HLTF: variants seen among roughly 807,000 people sequenced by gnomAD.
HLTF encodes the protein helicase like transcription factor.
A neutral mutation model predicts 129.4 loss-of-function variants in HLTF; 127 were observed. The ratio of observed to expected loss-of-function variants is 0.98; its 90% CI spans 0.85 to 1.14. The LOEUF (loss-of-function observed/expected upper bound fraction) is 1.14. Ranked by LOEUF, HLTF falls within the 50% of genes most tolerant of loss-of-function variation. The pLI, the probability that HLTF is intolerant of heterozygous loss-of-function variation, is 0.00. For synonymous variants in HLTF, 332 were observed against 388.8 expected (o/e 0.85, Z 1.72); for missense variants, 1,139 against 1,187.1 (o/e 0.96, Z 0.60).
intron 23 of HLTF, among the ~76,000 whole-genome samples, chr3:149,036,373 C>G (rs1305224456): frequency 7.0e-6 from 1 of 141,974 alleles, no homozygotes; most frequent in Admixed American, 7.3e-5. Context: ...AGTGCAACCT[C>G]CACCTCCTGG....
Position 149,046,132 on chromosome 3 carries a change from C to A in HLTF, c.2020G>T (p.Glu674Ter). The change falls in exon 18 of 25, where the codon GAG becomes TAG. Residue 674 changes from glutamate (E) to a stop codon, truncating the protein, a stop_gained. Transcript: ENST00000310053. LOFTEE classifies it high-confidence loss of function. ...FIQHITLSDEERKIYQSVKNE... is the reference protein window; with the variant it reads ...FIQHITLSDE Reference sequence around the variant, plus strand: ...TTCACAGACTGATAAATCTTTCTCTCTTCATCTGAAAGTGTAATGTGCTGA... The same window carrying A: ...TTCACAGACTGATAAATCTTTCTCTATTCATCTGAAAGTGTAATGTGCTGA... 6.2e-7 allele frequency: 1 copy of A among 1,611,676 alleles called. No homozygotes were observed. Among genetic ancestry groups the A allele is most frequent in the Non-Finnish European group, 8.5e-7 (1 of 1,178,738 alleles).
chr3:149,068,387 C>A (rs1214444227), intron 7 of HLTF, 52 bp from the exon 8 acceptor site: 8 of 789,758 alleles, frequency 1.0e-5, no homozygotes, highest in Non-Finnish European at 1.7e-5. Flanking sequence ...CCCAGTTCAC[C>A]AGAAAAACGT....
intron 10 of HLTF, among the ~76,000 whole-genome samples, chr3:149,061,894 C>G (rs1717988420): frequency 6.7e-6 from 1 of 149,824 alleles, no homozygotes; most frequent in Non-Finnish European, 1.5e-5. Flanking sequence ...AAAGAAAATA[C>G]TTCTAACACA....
chr3:149,077,396 T>C, intron 2 of HLTF, among the ~76,000 whole-genome samples: 1 of 152,100 alleles, frequency 6.6e-6, no homozygotes, highest in East Asian at 1.9e-4. Flanking sequence ...AGAACTGTTA[T>C]TCTCCTGAAG....
At chr3:149,075,848 A>T (rs1377081926) in intron 3 of HLTF, 33 bp downstream of exon 3, 1 of 1,507,736 alleles carries the variant, frequency 6.6e-7, no homozygotes, top group Admixed American at 2.0e-5. Context: ...TATAATTCAC[A>T]ATTATTAAAA....
At chr3:149,055,781 T>A (rs532189577) in intron 13 of HLTF, among the ~76,000 whole-genome samples, 4 of 152,332 alleles carry the variant, frequency 2.6e-5, no homozygotes, top group African/African-American at 9.6e-5. Flanking sequence ...CACAATCTTG[T>A]GTAATCTCCT....
intron 24 of HLTF, among the ~76,000 whole-genome samples, chr3:149,034,678 T>C (rs924268277): frequency 2.0e-5 from 3 of 152,204 alleles, no homozygotes; most frequent in African/African-American, 7.2e-5. Context: ...TAGAATAAAG[T>C]ATAATTCCAT....
intron 17 of HLTF, 99 bp downstream of exon 17, chr3:149,047,929 A>T: frequency 1.0e-6 from 1 of 957,784 alleles, no homozygotes; most frequent in Non-Finnish European, 1.5e-6. Flanking sequence ...TAGAAGGAAA[A>T]GTTAAGAGTC....
chr3:149,039,638 T>G lies in HLTF; in HGVS notation c.2558A>C (p.Lys853Thr), dbSNP rs1368254012. 2 of 1,608,418 alleles carry G rather than the reference T, an allele frequency of 1.2e-6. No homozygotes were observed. The highest frequency in any genetic ancestry group is 3.4e-5 in the Admixed American group (2 of 59,176). The part of the protein sequence containing the change: ...TDLRKKNPNI[K>T]SLVVSQFTTF... Reference sequence around the variant, plus strand: ...TGTAAACTGAGAAACAACCAAACTTTTTATGTTGGGATTCTTCTTTCTTAA... The same window carrying G: ...TGTAAACTGAGAAACAACCAAACTTGTTATGTTGGGATTCTTCTTTCTTAA... The change falls in exon 22 of 25, where the codon AAA becomes ACA. Residue 853 changes from lysine to threonine, a missense_variant. Transcript: ENST00000310053.
At chr3:149,080,291 G>A (rs893962543) in intron 2 of HLTF, among the ~76,000 whole-genome samples, 2 of 152,090 alleles carry the variant, frequency 1.3e-5, no homozygotes, top group African/African-American at 4.8e-5. Flanking sequence ...ACAACCTTGT[G>A]AGTATTCTAA....
chr3:149,052,821 G>T (rs1455087764), intron 14 of HLTF, among the ~76,000 whole-genome samples: 1 of 152,094 alleles, frequency 6.6e-6, no homozygotes, highest in Middle Eastern at 3.2e-3. Context: ...CCTTGAAATG[G>T]GACAGTGCAT....
chr3:149,060,950 T>C, intron 10 of HLTF, 92 bp from the exon 11 acceptor site: 1 of 854,530 alleles, frequency 1.2e-6, no homozygotes, highest in African/African-American at 1.7e-5. Context: ...AAAAAACTTT[T>C]GTCCTACTCA....
chr3:149,065,137 T>G (rs531673362), intron 8 of HLTF, among the ~76,000 whole-genome samples: 68 of 152,040 alleles, frequency 4.5e-4, no homozygotes, highest in Non-Finnish European at 8.8e-4. Context: ...CAAATCTCAA[T>G]TATAAATGAC....
At chr3:149,081,253 T>C (rs1224843466) in intron 2 of HLTF, among the ~76,000 whole-genome samples, 3 of 142,934 alleles carry the variant, frequency 2.1e-5, no homozygotes, top group African/African-American at 7.8e-5. Flanking sequence ...CATATGCTTA[T>C]TGAAAACACA....
chr3:149,073,222 C>A lies in HLTF; in HGVS notation c.627+3G>T. The A allele has an allele frequency of 6.4e-7, 1 of 1,571,024 alleles. No individual in the cohort carries two copies. The highest frequency in any genetic ancestry group is 8.6e-7 in the Non-Finnish European group (1 of 1,156,564). On this transcript the variant is annotated splice_donor_region_variant and intron_variant, in intron 5 of 24. Transcript: ENST00000310053. The stretch of plus-strand genomic sequence containing the variant: ...TAGATTACAAAATAAAAGAGAAGCA[C>A]ACCTGTTCAGTTGTCATCTGTACTG...
At chr3:149,049,164 ATAAG>A (rs1716787453) in intron 15 of HLTF, among the ~76,000 whole-genome samples, 163 bp from the exon 16 acceptor site, 1 of 152,218 alleles carries the variant, frequency 6.6e-6, no homozygotes. Context: ...AGTTTATAAA[ATAAG>A]TACTTATTAG....
chr3:149,079,467 C>A (rs1354615625), intron 2 of HLTF, among the ~76,000 whole-genome samples: 1 of 68,398 alleles, frequency 1.5e-5, no homozygotes, highest in Non-Finnish European at 3.0e-5. Flanking sequence ...TTTGTCCTAT[C>A]TCATTAAAAA....
intron 2 of HLTF, among the ~76,000 whole-genome samples, chr3:149,082,095 A>C (rs1719918041): frequency 1.3e-5 from 2 of 152,258 alleles, no homozygotes; most frequent in Admixed American, 6.5e-5. Flanking sequence ...CGCCAGACTT[A>C]AAATAGTACA....
At chr3:149,050,412 G>T in intron 14 of HLTF, 37 bp from the exon 15 acceptor site, 1 of 1,457,784 alleles carries the variant, frequency 6.9e-7, no homozygotes, top group Non-Finnish European at 9.4e-7. Flanking sequence ...ACAATGAGCA[G>T]ATTTGTGTCA....
Sources: allele counts gnomAD v4.1 joint callset (sites outside exome capture counted in the v4.1 genomes callset), GRCh38; gene constraint gnomAD v4.1.1; transcripts MANE v1.5; gene names NCBI Gene and HGNC (gene_info 2026-07-23, HGNC 2026-07-21).